KLHL3: variants seen among roughly 807,000 people sequenced by gnomAD.
KLHL3 encodes the protein kelch like family member 3, also known as kelch-like protein 3.
Under a neutral mutation model 70.5 loss-of-function variants are expected in KLHL3, and 19 were observed. The observed-to-expected ratio is 0.27, with a 90% CI of 0.19 to 0.40. The LOEUF is 0.40. KLHL3 is among the 10% of genes least tolerant of loss of function. KLHL3 has a pLI of 1.00. For missense variants in KLHL3, 512 were observed against 771.1 expected (o/e 0.66, Z 3.98); for synonymous variants, 258 against 290.3 (o/e 0.89, Z 1.13).
chr5:137,682,714 G>A (rs571609395), intron 5 of KLHL3, among the ~76,000 whole-genome samples: 1 of 152,226 alleles, frequency 6.6e-6, no homozygotes, highest in South Asian at 2.1e-4. Context: ...TTCGGACTGG[G>A]AGCCCCATGA....
chr5:137,694,628 A>G (rs1752403070), intron 4 of KLHL3, among the ~76,000 whole-genome samples: 1 of 152,164 alleles, frequency 6.6e-6, no homozygotes, highest in Non-Finnish European at 1.5e-5. Flanking sequence ...CCAGTCTCCA[A>G]ATGACCTCCA....
At chr5:137,650,942 C>G (rs1396379231) in intron 8 of KLHL3, among the ~76,000 whole-genome samples, 1 of 151,956 alleles carries the variant, frequency 6.6e-6, no homozygotes, top group Admixed American at 6.6e-5. Context: ...CCTTCTAACC[C>G]CCAGGAACGA....
intron 8 of KLHL3, among the ~76,000 whole-genome samples, chr5:137,653,294 G>A (rs1183139608): frequency 6.6e-6 from 1 of 151,930 alleles, no homozygotes; most frequent in Non-Finnish European, 1.5e-5. Context: ...ATCTTCCAAA[G>A]ATACTGCTAA....
At chr5:137,670,661 A>AAAACAAAC (rs1183455821) in intron 6 of KLHL3, among the ~76,000 whole-genome samples, 1 of 152,052 alleles carries the variant, frequency 6.6e-6, no homozygotes, top group Non-Finnish European at 1.5e-5. Flanking sequence ...GAGAATGCTT[A>AAAACAAAC]AAACAAACAA....
chr5:137,633,617 G>A (rs1371545552), intron 12 of KLHL3, among the ~76,000 whole-genome samples: 1 of 152,108 alleles, frequency 6.6e-6, no homozygotes, highest in Non-Finnish European at 1.5e-5. Context: ...ATACACCATG[G>A]AATCTTATGC....
chr5:137,717,250 T>G (rs2149933509), intron 2 of KLHL3, among the ~76,000 whole-genome samples: 1 of 152,306 alleles, frequency 6.6e-6, no homozygotes, highest in Non-Finnish European at 1.5e-5. Context: ...CACAAAACCT[T>G]TTAAGCAACA....
chr5:137,657,047 G>A (rs1751361229), intron 8 of KLHL3, among the ~76,000 whole-genome samples: 1 of 152,216 alleles, frequency 6.6e-6, no homozygotes, highest in South Asian at 2.1e-4. Flanking sequence ...GGGACACTGA[G>A]ACATTTGTTC....
intron 5 of KLHL3, among the ~76,000 whole-genome samples, chr5:137,680,840 G>A (rs1243947692): frequency 5.3e-5 from 8 of 152,012 alleles, no homozygotes; most frequent in African/African-American, 1.7e-4. Context: ...CACTGCGGCC[G>A]GCAGCACCAC....
Position 137,628,416 on chromosome 5 carries a change from T to G in KLHL3, c.1472A>C (p.Gln491Pro). 6.2e-7 allele frequency: 1 copy of G among 1,614,182 alleles called. No individual in the cohort carries two copies. The highest frequency in any genetic ancestry group is 8.5e-7 in the Non-Finnish European group (1 of 1,180,046). Residue 491 changes from glutamine to proline, a missense_variant, in exon 13 of 15, where the codon CAG becomes CCG. Gln to Pro is a moderately conservative substitution (Grantham distance 76). Coordinates refer to ENST00000309755, the MANE Select transcript of KLHL3 (RefSeq NM_017415.3). The stretch of plus-strand genomic sequence containing the variant: ...ATCATGCCCACCTGTGGCGTACAGC[T>G]GTCCGCTAAGCACTCCAACCCCTGA... ...SGAGVGVLSG[Q>P]LYATGGHDGP...
intron 7 of KLHL3, 32 bp downstream of exon 7, chr5:137,661,883 C>A (rs763971207): frequency 8.2e-7 from 1 of 1,224,590 alleles, no homozygotes. Flanking sequence ...TGGGTGAACA[C>A]AGAAGTGCTT....
intron 6 of KLHL3, among the ~76,000 whole-genome samples, chr5:137,665,939 A>G (rs1330315108): frequency 6.6e-6 from 1 of 152,184 alleles, no homozygotes; most frequent in East Asian, 1.9e-4. Context: ...GTTTGCTCCT[A>G]TTTCTATATC....
At chr5:137,696,019 T>C (rs534541796) in intron 4 of KLHL3, among the ~76,000 whole-genome samples, 2 of 152,242 alleles carry the variant, frequency 1.3e-5, no homozygotes, top group South Asian at 4.1e-4. Flanking sequence ...GTCTACAGGT[T>C]ACCCTTCAGC....
At chr5:137,663,913 C>A (rs985717821) in intron 6 of KLHL3, among the ~76,000 whole-genome samples, 5 of 152,066 alleles carry the variant, frequency 3.3e-5, no homozygotes, top group African/African-American at 9.7e-5. Flanking sequence ...GAAGGAGGGT[C>A]AGGGAATGGC....
intron 12 of KLHL3, 52 bp from the exon 13 acceptor site, chr5:137,628,489 A>G: frequency 1.9e-6 from 3 of 1,605,448 alleles, no homozygotes; most frequent in South Asian, 2.2e-5. Flanking sequence ...AGTAACCAGA[A>G]ATCAGGAGGC....
At chr5:137,707,275 A>G (rs1282671245) in intron 3 of KLHL3, among the ~76,000 whole-genome samples, 1 of 152,218 alleles carries the variant, frequency 6.6e-6, no homozygotes, top group African/African-American at 2.4e-5. Context: ...TCTACTAAAA[A>G]TACAAAAATT....
chr5:137,636,220 C>T (rs1436632107), intron 11 of KLHL3, among the ~76,000 whole-genome samples: 11 of 152,068 alleles, frequency 7.2e-5, no homozygotes, highest in African/African-American at 2.7e-4. Flanking sequence ...TACACAATAC[C>T]AGTGCAGACT....
chr5:137,715,577 T>C (rs922013256), intron 2 of KLHL3, among the ~76,000 whole-genome samples: 1 of 152,206 alleles, frequency 6.6e-6, no homozygotes, highest in Non-Finnish European at 1.5e-5. Flanking sequence ...GAATACAAGC[T>C]TCACTAAGGG....
intron 6 of KLHL3, among the ~76,000 whole-genome samples, chr5:137,671,422 G>A (rs1250386720): frequency 1.3e-5 from 2 of 152,150 alleles, no homozygotes; most frequent in South Asian, 2.1e-4. Context: ...CATGTTTTCA[G>A]TCCGTCTGCC....
intron 1 of KLHL3, chr5:137,721,026 G>T: frequency 4.6e-6 from 1 of 219,740 alleles, no homozygotes; most frequent in Non-Finnish European, 7.8e-6. Context: ...TTAGAGTTCA[G>T]TAGAGGAGAA....
Sources: allele counts gnomAD v4.1 joint callset (sites outside exome capture counted in the v4.1 genomes callset), GRCh38; gene constraint gnomAD v4.1.1; transcripts MANE v1.5; gene names NCBI Gene and HGNC (gene_info 2026-07-23, HGNC 2026-07-21).